The following OTUD7B variants were observed in gnomAD, a reference collection of about 807,000 sequenced individuals.
OTUD7B encodes OTU deubiquitinase 7B.
OTUD7B carries 34 observed loss-of-function variants against 82.2 expected under a neutral mutation model. That is an observed-to-expected ratio of 0.41 (90% CI 0.31 to 0.55). OTUD7B has a LOEUF of 0.55. Ranked by LOEUF, OTUD7B falls within the 20% of genes least tolerant of loss-of-function variation. OTUD7B has a pLI of 0.20. For missense variants in OTUD7B, 944 were observed against 1,062.1 expected (o/e 0.89, Z 1.55); for synonymous variants, 398 against 402.7 (o/e 0.99, Z 0.14).
intron 7 of OTUD7B, among the ~76,000 whole-genome samples, chr1:149,957,406 C>T (rs182319076): frequency 6.6e-5 from 10 of 151,586 alleles, no homozygotes; most frequent in Admixed American, 6.6e-4. Flanking sequence ...AGCTTCATCT[C>T]AGAGGGGCAC....
At chr1:150,029,806 A>G in the OTUD7B span, among the ~76,000 whole-genome samples, 9 of 152,228 alleles carry the variant, frequency 5.9e-5, no homozygotes, top group East Asian at 1.7e-3. Flanking sequence ...TGAAATCTTA[A>G]AAGTCCAGTA....
At chr1:149,950,053 G>A in intron 8 of OTUD7B, 41 bp downstream of exon 8, 1 of 1,610,974 alleles carries the variant, frequency 6.2e-7, no homozygotes. Flanking sequence ...TTTGCAAAAG[G>A]GGGTGCTCAG....
At chr1:149,979,330 A>G (rs782449242) in intron 1 of OTUD7B, among the ~76,000 whole-genome samples, 2 of 152,076 alleles carry the variant, frequency 1.3e-5, no homozygotes, top group Non-Finnish European at 2.9e-5. Flanking sequence ...AGGGACATCA[A>G]CCATGCTGTC....
chr1:149,993,541 G>C (rs1274963374), intron 1 of OTUD7B, among the ~76,000 whole-genome samples: 3 of 152,184 alleles, frequency 2.0e-5, no homozygotes, highest in Non-Finnish European at 4.4e-5. Context: ...TAAAAGGTGA[G>C]AGGCTTTTTC....
intron 1 of OTUD7B, among the ~76,000 whole-genome samples, chr1:150,008,455 G>A (rs1001312540): frequency 1.9e-4 from 29 of 152,108 alleles, no homozygotes; most frequent in Non-Finnish European, 2.9e-5. Context: ...CCAAGTTGTT[G>A]GCAACATAAG....
At chr1:149,953,456 T>C (rs1648421939) in intron 7 of OTUD7B, among the ~76,000 whole-genome samples, 1 of 152,232 alleles carries the variant, frequency 6.6e-6, no homozygotes, top group Non-Finnish European at 1.5e-5. Flanking sequence ...TGCAGCCTTG[T>C]AGTATAGTTT....
At chr1:149,962,224 A>G (rs1262709093) in intron 6 of OTUD7B, 1 of 152,180 alleles carries the variant, frequency 6.6e-6, no homozygotes, top group African/African-American at 2.4e-5. Context: ...CACAGCCACT[A>G]GGTGGTGTAC....
the OTUD7B span, among the ~76,000 whole-genome samples, chr1:150,064,665 G>C: frequency 6.6e-6 from 1 of 152,036 alleles, no homozygotes. Context: ...CACTGTGCCT[G>C]GCCAATACTG....
chr1:149,970,818 T>C (rs1038381501), intron 3 of OTUD7B, among the ~76,000 whole-genome samples: 4 of 152,162 alleles, frequency 2.6e-5, no homozygotes, highest in Admixed American at 1.3e-4. Flanking sequence ...GAGATTGTTA[T>C]CCTCCTTCCT....
upstream of OTUD7B, among the ~76,000 whole-genome samples, chr1:150,014,042 A>ATG (rs199910103): frequency 2.2e-4 from 26 of 115,556 alleles, no homozygotes; most frequent in South Asian, 6.2e-4. Context: ...ATACGTATAT[A>ATG]TGTGTGTGTA....
intron 1 of OTUD7B, among the ~76,000 whole-genome samples, chr1:150,008,319 T>C (rs1396766176): frequency 6.6e-6 from 1 of 152,218 alleles, no homozygotes; most frequent in Non-Finnish European, 1.5e-5. Context: ...CAATTATTGA[T>C]CATCAACAGA....
chr1:150,067,081 C>A, the OTUD7B span: 2 of 152,300 alleles, frequency 1.3e-5, no homozygotes, highest in Admixed American at 1.3e-4. Context: ...CCGCGGGCTG[C>A]GAGCCCCCAC....
chr1:150,058,661 T>C, the OTUD7B span, among the ~76,000 whole-genome samples: 2 of 152,210 alleles, frequency 1.3e-5, no homozygotes, highest in African/African-American at 2.4e-5. Context: ...CCCAGGAGAT[T>C]TGTACATGCA....
intron 3 of OTUD7B, 123 bp from the exon 4 acceptor site, chr1:149,967,644 T>G (rs1415745446): frequency 4.7e-6 from 3 of 642,060 alleles, no homozygotes; most frequent in African/African-American, 1.9e-5. Context: ...TCTAACTGAC[T>G]ACTGAATTTC....
chr1:150,042,236 G>A, the OTUD7B span, among the ~76,000 whole-genome samples: 17 of 150,058 alleles, frequency 1.1e-4, no homozygotes, highest in East Asian at 4.0e-4. Flanking sequence ...GCAGTGGCGC[G>A]GACTCGACTC....
At chr1:149,957,956 A>G (rs1559834666) in intron 7 of OTUD7B, among the ~76,000 whole-genome samples, 1 of 152,356 alleles carries the variant, frequency 6.6e-6, no homozygotes, top group East Asian at 1.9e-4. Flanking sequence ...TGGCTAGGAA[A>G]GGGAATTCTC....
At chr1:150,018,183 A>G in the OTUD7B span, among the ~76,000 whole-genome samples, 1 of 152,258 alleles carries the variant, frequency 6.6e-6, no homozygotes, top group Non-Finnish European at 1.5e-5. Context: ...GTGAAACAAG[A>G]CCAAAACCTA....
the OTUD7B span, among the ~76,000 whole-genome samples, chr1:150,061,610 T>TA: frequency 2.0e-3 from 300 of 151,764 alleles, no homozygotes; most frequent in Non-Finnish European, 3.3e-3. Context: ...AGCATATAGG[T>TA]AAAAAAAAGG....
At chr1:150,035,569 A>T in the OTUD7B span, among the ~76,000 whole-genome samples, 1 of 152,256 alleles carries the variant, frequency 6.6e-6, no homozygotes, top group Admixed American at 6.5e-5. Flanking sequence ...TGCAAGGGTT[A>T]CCATATGTAT....
Sources: allele counts gnomAD v4.1 joint callset (sites outside exome capture counted in the v4.1 genomes callset), GRCh38; gene constraint gnomAD v4.1.1; transcripts MANE v1.5; gene names NCBI Gene and HGNC (gene_info 2026-07-23, HGNC 2026-07-21).